Variants in LARP1B observed in about 807,000 individuals in gnomAD.
LARP1B encodes the protein La ribonucleoprotein 1B, also known as la-related protein 1B.
In LARP1B, 76 loss-of-function variants were observed where a neutral mutation model predicts 114.2. The observed-to-expected ratio is 0.67, with a 90% CI of 0.55 to 0.81. The LOEUF is 0.81. LARP1B is among the 30% of genes least tolerant of loss of function. The pLI is 0.00. For synonymous variants in LARP1B, 345 were observed against 348.0 expected, an observed-to-expected ratio of 0.99 and a Z score of 0.10; for missense variants, 1,014 against 1,075.8, an observed-to-expected ratio of 0.94 and a Z score of 0.80.
At chr4:128,109,434 C>G (rs1443432780) in intron 9 of LARP1B, among the ~76,000 whole-genome samples, 1 of 151,580 alleles carries the variant, frequency 6.6e-6, no homozygotes, top group Non-Finnish European at 1.5e-5. Context: ...ATTTTTTTTC[C>G]TATCTGGAGG....
chr4:128,162,076 A>T, intron 11 of LARP1B, 118 bp from the exon 12 acceptor site: 1 of 830,666 alleles, frequency 1.2e-6, no homozygotes. Context: ...CGTCTTTTTC[A>T]CTCCATTGTA....
rs531667254 is a variant in LARP1B, at chr4:128,117,692, G to C, written c.1161+2950G>C. ...GCCCACTGCACCTGGCCTAATTTTTGTATATTTAGTAGAGACGTGGTTTCA... is the reference window on the plus strand; with the variant it reads ...GCCCACTGCACCTGGCCTAATTTTTCTATATTTAGTAGAGACGTGGTTTCA... On this transcript the variant is annotated intron_variant, in intron 10 of 19. Coordinates refer to ENST00000326639, the MANE Select transcript of LARP1B (RefSeq NM_018078.4). Among the ~76,000 whole-genome samples the C allele has an allele frequency of 1.3e-4, 20 of 151,066 alleles. No homozygotes were observed. The East Asian group carries it at 3.7e-3, about 28-fold the overall frequency.
intron 7 of LARP1B, 112 bp downstream of exon 7, chr4:128,091,624 TCTCA>T (rs1775945339): frequency 2.6e-6 from 2 of 763,526 alleles, no homozygotes; most frequent in Non-Finnish European, 4.0e-6. Context: ...TGAGACAGAG[TCTCA>T]CTCTGTTGCC....
rs1465952626 is a variant in LARP1B, at chr4:128,083,663, G to GC, written c.358+1358_358+1359insC. The stretch of plus-strand genomic sequence containing the variant: ...CCTCCCGGACGGGGCGGCTGGCCAG[G>GC]TGGGGGGGCTGAGCCCCCCCACCTC... On this transcript the variant is annotated intron_variant, in intron 5 of 19. Coordinates refer to ENST00000326639, the MANE Select transcript of LARP1B (RefSeq NM_018078.4). 1.9e-4 allele frequency among the ~76,000 whole-genome samples: 18 copies of GC among 93,840 alleles called. 1 individual carries two copies. Among genetic ancestry groups the GC allele is most frequent in the Admixed American group, 9.0e-4 (8 of 8,850 alleles). 61.6% of individuals were successfully genotyped at this position (93,840 alleles called of 152,430 possible).
At chr4:128,204,137 T>TA (rs1374527060) in intron 17 of LARP1B, among the ~76,000 whole-genome samples, 1 of 152,130 alleles carries the variant, frequency 6.6e-6, no homozygotes, top group Non-Finnish European at 1.5e-5. Flanking sequence ...TGTCATCCTT[T>TA]ATCAATAATC....
rs1366832752 is a variant in LARP1B at position 128,065,249 on chromosome 4, ATTAATTTCTTTCTTTCTTTC to A, written c.-78+3851_-78+3870del. 4.0e-3 allele frequency among the ~76,000 whole-genome samples: 389 copies of A among 96,068 alleles called. 8 individuals carry two copies. Among genetic ancestry groups the A allele is most frequent in the East Asian group, 0.017 (62 of 3,604 alleles). The allele number at this position is 96,068 out of a possible 152,430, so 63.0% of individuals were successfully genotyped here. A position where few individuals can be genotyped will look rare whatever the true frequency, so the allele number is the denominator to read the frequency against. Reference sequence around the variant, plus strand: ...ACTGACTCTGCACTGTTCTCCCACAATTAATTTCTTTCTTTCTTTCTTTCTTTCTTTCTTTCTTTCTTTCT... The same window carrying A: ...ACTGACTCTGCACTGTTCTCCCACAATTTCTTTCTTTCTTTCTTTCTTTCT... On this transcript the variant is annotated intron_variant, in intron 1 of 19. Transcript: ENST00000326639.
intron 8 of LARP1B, among the ~76,000 whole-genome samples, 164 bp downstream of exon 8, chr4:128,098,494 C>G (rs929382569): frequency 6.6e-6 from 1 of 151,680 alleles, no homozygotes; most frequent in Non-Finnish European, 1.5e-5. Flanking sequence ...TCATAAATGT[C>G]TAACCTTGGA....
chr4:128,110,700 G>A (rs1318871517), intron 9 of LARP1B, among the ~76,000 whole-genome samples: 1 of 102,572 alleles, frequency 9.7e-6, no homozygotes, highest in Admixed American at 1.0e-4. Context: ...AAAAGATGCA[G>A]CAGACCACAC....
At chr4:128,061,561 G>C (rs1269179294) in intron 1 of LARP1B, 160 bp downstream of exon 1, 1 of 517,272 alleles carries the variant, frequency 1.9e-6, no homozygotes, top group Admixed American at 6.5e-5. Context: ...CGGCGGCAGC[G>C]GCGGCCACGG....
In LARP1B at chr4:128,162,391, C is replaced by T. The variant is rs1738892803; in HGVS notation, c.1648+74C>T. On this transcript the variant is annotated intron_variant, in intron 12 of 19. Coordinates refer to ENST00000326639, the MANE Select transcript of LARP1B (RefSeq NM_018078.4). ...TCTGAATTGTTTTTAAAAATTGCTCCTTTTTTTTCTTTATTTGTGGAAAAT... is the reference window on the plus strand; with the variant it reads ...TCTGAATTGTTTTTAAAAATTGCTCTTTTTTTTTCTTTATTTGTGGAAAAT... 4.7e-6 allele frequency: 6 copies of T among 1,272,784 alleles called. No individual in the cohort carries two copies. The South Asian group carries it at 7.1e-5, about 15-fold the overall frequency. The allele number at this position is 1,272,784 out of a possible 1,614,324, so 78.8% of individuals were successfully genotyped here. A position where few individuals can be genotyped will look rare whatever the true frequency, so the allele number is the denominator to read the frequency against.
chr4:128,194,147 A>G (rs1753222300), intron 15 of LARP1B, among the ~76,000 whole-genome samples: 1 of 151,828 alleles, frequency 6.6e-6, no homozygotes, highest in Admixed American at 6.6e-5. Context: ...ATCTCAGCTC[A>G]CTGCAACCTC....
At chr4:128,139,155 A>G (rs1273485201) in intron 11 of LARP1B, among the ~76,000 whole-genome samples, 2 of 152,136 alleles carry the variant, frequency 1.3e-5, no homozygotes, top group African/African-American at 4.8e-5. Flanking sequence ...AAATAGAAGA[A>G]AATAAAGAAA....
intron 9 of LARP1B, chr4:128,108,399 A>G (rs1782818908): frequency 1.0e-6 from 1 of 987,068 alleles, no homozygotes; most frequent in Non-Finnish European, 1.2e-6. Context: ...TCACTTGGAC[A>G]TAAGACTTAT....
intron 17 of LARP1B, among the ~76,000 whole-genome samples, chr4:128,200,987 A>G (rs1395801846): frequency 6.6e-6 from 1 of 152,238 alleles, no homozygotes; most frequent in African/African-American, 2.4e-5. Flanking sequence ...ATGAGCTTGC[A>G]GCCAAGATGT....
intron 8 of LARP1B, among the ~76,000 whole-genome samples, chr4:128,106,629 A>T (rs931123426): frequency 1.3e-5 from 2 of 151,662 alleles, no homozygotes; most frequent in Non-Finnish European, 2.9e-5. Context: ...GTGTTGTCTC[A>T]TACTAGATCT....
intron 11 of LARP1B, among the ~76,000 whole-genome samples, chr4:128,133,199 G>C (rs898298784): frequency 1.3e-5 from 2 of 152,190 alleles, no homozygotes; most frequent in African/African-American, 4.8e-5. Context: ...GAAATGTGGA[G>C]TGACTGTTAA....
chr4:128,205,132 G>A (rs1008883622), intron 17 of LARP1B, among the ~76,000 whole-genome samples: 1 of 152,234 alleles, frequency 6.6e-6, no homozygotes, highest in Non-Finnish European at 1.5e-5. Context: ...TGCTGTATAA[G>A]TGTGTAGTTG....
At chr4:128,126,379 T>C (rs1422386006) in intron 11 of LARP1B, among the ~76,000 whole-genome samples, 1 of 152,124 alleles carries the variant, frequency 6.6e-6, no homozygotes, top group African/African-American at 2.4e-5. Flanking sequence ...TACCTCGGCT[T>C]CCGAAAGTGC....
At chr4:128,206,622 T>A in intron 18 of LARP1B, 85 bp downstream of exon 18, 1 of 1,503,802 alleles carries the variant, frequency 6.6e-7, no homozygotes, top group Non-Finnish European at 8.8e-7. Flanking sequence ...GTTCATAGTT[T>A]TTTTCTTCAG....
Sources: gnomAD v4.1 joint callset for allele counts (sites outside exome capture counted in the v4.1 genomes callset) on GRCh38, gnomAD v4.1.1 for gene constraint, MANE v1.5 for transcripts, NCBI Gene and HGNC (gene_info 2026-07-23, HGNC 2026-07-21) for gene names.